Variants in PAM observed in about 807,000 individuals in gnomAD.
PAM encodes peptidyl-glycine alpha-amidating monooxygenase.
In PAM, 72 loss-of-function variants were observed where a neutral mutation model predicts 122.1. The ratio of observed to expected loss-of-function variants is 0.59; its 90% CI spans 0.49 to 0.72. The LOEUF (loss-of-function observed/expected upper bound fraction) is 0.72. Ranked by LOEUF, PAM falls within the 30% of genes least tolerant of loss-of-function variation. The pLI, the probability that PAM is intolerant of heterozygous loss-of-function variation, is 0.00. For synonymous variants in PAM, 389 were observed against 404.4 expected (o/e 0.96, Z 0.46); for missense variants, 1,106 against 1,183.7 (o/e 0.93, Z 0.96).
chr5:102,914,242 T>C (rs1432756892), intron 5 of PAM, among the ~76,000 whole-genome samples: 5 of 152,030 alleles, frequency 3.3e-5, no homozygotes, highest in Non-Finnish European at 7.4e-5. Context: ...TTAATAAATA[T>C]ATGTCTCATG....
At chr5:102,830,218 C>T (rs1184113564) in intron 1 of PAM, among the ~76,000 whole-genome samples, 1 of 152,154 alleles carries the variant, frequency 6.6e-6, no homozygotes, top group African/African-American at 2.4e-5. Context: ...ACCTGCATTG[C>T]GTCCCCATTT....
At chr5:102,784,707 A>G (rs1312510145) in intron 1 of PAM, among the ~76,000 whole-genome samples, 1 of 152,254 alleles carries the variant, frequency 6.6e-6, no homozygotes, top group African/African-American at 2.4e-5. Context: ...CATTTATGTG[A>G]AACATGACTT....
At chr5:102,968,202 A>T (rs1764696385) in intron 14 of PAM, among the ~76,000 whole-genome samples, 1 of 152,196 alleles carries the variant, frequency 6.6e-6, no homozygotes, top group Non-Finnish European at 1.5e-5. Context: ...TTAAAAAGAA[A>T]AACAATTAAG....
At chr5:102,838,524 CTTAT>C (rs1470108567) in intron 1 of PAM, 2 of 152,036 alleles carry the variant, frequency 1.3e-5, no homozygotes, top group African/African-American at 2.4e-5. Context: ...GGCATAAAAA[CTTAT>C]TTAAACTCCT....
chr5:102,858,836 T>TA (rs144445497), intron 1 of PAM, among the ~76,000 whole-genome samples: 87 of 152,326 alleles, frequency 5.7e-4, no homozygotes, highest in African/African-American at 2.0e-3. Flanking sequence ...GACTTTTAAA[T>TA]ACAGTCACAT....
At chr5:102,956,905 T>C (rs1387894806) in intron 12 of PAM, among the ~76,000 whole-genome samples, 1 of 152,112 alleles carries the variant, frequency 6.6e-6, no homozygotes, top group African/African-American at 2.4e-5. Flanking sequence ...TCCTTCCAAA[T>C]ATACATGTAA....
In PAM at chr5:102,937,693, C is replaced by T. The variant is rs562213362; in HGVS notation, c.527-9144C>T. Among the ~76,000 whole-genome samples, 3 of 152,160 alleles carry T rather than the reference C, an allele frequency of 2.0e-5. No individual in the cohort carries two copies. In the South Asian group the frequency reaches 6.2e-4, roughly 32 times the overall value. ...CCTTCCGTTTTACAGAAATGAAGAT[C>T]GATGCTCAGAAAGGTTGCATGACTT... On this transcript the variant is annotated intron_variant, in intron 7 of 25. Transcript: ENST00000438793.
chr5:103,017,330 G>C lies in PAM; in HGVS notation c.2332-4G>C. On this transcript the variant is annotated splice_region_variant and splice_polypyrimidine_tract_variant and intron_variant, in intron 21 of 25. Coordinates refer to ENST00000438793, the MANE Select transcript of PAM (RefSeq NM_001177306.2). ...CTCTAATGTGTAGCTTCTTATTTTG[G>C]CAGCACTTTGATATGCCTCATGATA... 2 of 1,588,828 alleles carry C rather than the reference G, an allele frequency of 1.3e-6. No individual in the cohort carries two copies. Among genetic ancestry groups the C allele is most frequent in the Non-Finnish European group, 1.7e-6 (2 of 1,157,608 alleles).
chr5:103,011,396 ACACACTCT>A (rs2151139600), intron 21 of PAM, among the ~76,000 whole-genome samples: 1 of 147,000 alleles, frequency 6.8e-6, no homozygotes, highest in African/African-American at 2.7e-5. Context: ...ACACACACAC[ACACACTCT>A]CTCTCTCTGT....
intron 14 of PAM, among the ~76,000 whole-genome samples, chr5:102,971,828 T>C (rs1765920792): frequency 6.6e-6 from 1 of 152,192 alleles, no homozygotes; most frequent in African/African-American, 2.4e-5. Flanking sequence ...TTCCATATTA[T>C]ATCTAGTACA....
intron 12 of PAM, among the ~76,000 whole-genome samples, chr5:102,954,481 A>C (rs553604141): frequency 2.0e-4 from 30 of 151,708 alleles, no homozygotes; most frequent in African/African-American, 7.0e-4. Context: ...TTAATATGAG[A>C]TATATTAATA....
chr5:102,938,920 T>C (rs1433826895), intron 7 of PAM, among the ~76,000 whole-genome samples: 2 of 152,136 alleles, frequency 1.3e-5, no homozygotes, highest in Non-Finnish European at 2.9e-5. Context: ...TTCATGGCCC[T>C]GACATGTTTG....
chr5:102,817,829 G>C (rs1360083919), intron 1 of PAM, among the ~76,000 whole-genome samples: 1 of 151,786 alleles, frequency 6.6e-6, no homozygotes, highest in Non-Finnish European at 1.5e-5. Flanking sequence ...TTAGAAAGCT[G>C]GTCCCTGTCT....
At chr5:102,948,961 C>T (rs767005715) in intron 9 of PAM, among the ~76,000 whole-genome samples, 9 of 152,026 alleles carry the variant, frequency 5.9e-5, no homozygotes, top group African/African-American at 1.2e-4. Flanking sequence ...ATATATTTTA[C>T]GATCCTCTGA....
In PAM at chr5:102,867,270, A is replaced by C. The variant is rs766055359; in HGVS notation, c.90-3A>C. 6.3e-7 allele frequency: 1 copy of C among 1,592,110 alleles called. No homozygotes were observed. Among genetic ancestry groups the C allele is most frequent in the South Asian group, 1.1e-5 (1 of 89,940 alleles). On this transcript the variant is annotated splice_polypyrimidine_tract_variant and splice_region_variant and intron_variant, in intron 2 of 25. Coordinates refer to ENST00000438793, the MANE Select transcript of PAM (RefSeq NM_001177306.2). ...GAATATTGAAATTGCCCTCTTTTTT[A>C]AGGTTTAAAGAAACTACCAGACCAT...
intron 4 of PAM, among the ~76,000 whole-genome samples, chr5:102,903,807 A>G (rs921941111): frequency 2.0e-5 from 3 of 151,598 alleles, no homozygotes; most frequent in Non-Finnish European, 4.4e-5. Context: ...GAGCAAAGTT[A>G]TCAAGTGCAT....
At chr5:102,758,184 T>C (rs1353421462) in intron 1 of PAM, among the ~76,000 whole-genome samples, 2 of 149,782 alleles carry the variant, frequency 1.3e-5, no homozygotes, top group African/African-American at 4.9e-5. Context: ...CTAGGTTGTA[T>C]TTTGTGTGAC....
At chr5:102,762,288 C>G (rs148585917) in intron 1 of PAM, among the ~76,000 whole-genome samples, 11 of 152,288 alleles carry the variant, frequency 7.2e-5, no homozygotes, top group African/African-American at 2.2e-4. Context: ...ATATAAACAG[C>G]ATGAAATTGG....
intron 15 of PAM, 47 bp from the exon 16 acceptor site, chr5:102,990,225 A>T: frequency 3.5e-6 from 5 of 1,421,432 alleles, no homozygotes; most frequent in Middle Eastern, 2.6e-4. Flanking sequence ...CTCATGAGGC[A>T]ATTCGACCTT....
Sources: allele counts gnomAD v4.1 joint callset (sites outside exome capture counted in the v4.1 genomes callset), GRCh38; gene constraint gnomAD v4.1.1; transcripts MANE v1.5; gene names NCBI Gene and HGNC (gene_info 2026-07-23, HGNC 2026-07-21).